The following EXOC3L1 variants were observed in gnomAD, a reference collection of about 807,000 sequenced individuals.
EXOC3L1 encodes exocyst complex component 3-like protein.
EXOC3L1 carries 79 observed loss-of-function variants against 83.6 expected under a neutral mutation model. That is an observed-to-expected ratio of 0.95 (90% CI 0.79 to 1.14). The LOEUF is 1.14. EXOC3L1 is among the 50% of genes most tolerant of loss of function. The pLI is 0.00. For synonymous variants in EXOC3L1, 433 were observed against 451.2 expected (o/e 0.96, Z 0.51); for missense variants, 945 against 972.0 (o/e 0.97, Z 0.37).
rs1312590150 is a variant in EXOC3L1, at chr16:67,184,562, C to T, written c.2073G>A (p.Leu691=). Residue 691 remains leucine (L), a synonymous_variant, in exon 14 of 14, where the codon TTG becomes TTA. Coordinates refer to ENST00000314586, the MANE Select transcript of EXOC3L1 (RefSeq NM_178516.4). ...VSALLGLRGD[L]SREQHLAALS... ...GCGCGGCCAGGTGCTGCTCCCGGGA[C>T]AAGTCCCCGCGCAGGCCCAAGAGGG... 6.5e-7 allele frequency: 1 copy of T among 1,542,652 alleles called. No homozygotes were observed. Among genetic ancestry groups the T allele is most frequent in the South Asian group, 1.2e-5 (1 of 84,788 alleles).
Position 67,187,065 on chromosome 16 carries a change from C to T in EXOC3L1, c.1114G>A (p.Glu372Lys). Residue 372 changes from glutamate to lysine, a missense_variant, in exon 6 of 14, where the codon GAG (glutamate) becomes AAG (lysine). Coordinates refer to ENST00000314586, the MANE Select transcript of EXOC3L1 (RefSeq NM_178516.4). ...GTTGCCTCCAGCTGCTCAATGTTCT[C>T]CAAGGTCAGAAGGGGCTCCAGCTGG... ...VSQLEPLLTL[E>K]NIEQLEATFV... 6.2e-7 allele frequency: 1 copy of T among 1,613,722 alleles called. No individual in the cohort carries two copies. Among genetic ancestry groups the T allele is most frequent in the African/African-American group, 1.3e-5 (1 of 75,032 alleles).
At chr16:67,189,304 T>G in intron 2 of EXOC3L1, 124 bp from the exon 3 acceptor site, 3 of 1,110,316 alleles carry the variant, frequency 2.7e-6, no homozygotes, top group Non-Finnish European at 3.7e-6. Flanking sequence ...TGAGATGGAG[T>G]CTCGCTCTGT....
At chr16:67,186,981 A>G in intron 6 of EXOC3L1, 40 bp downstream of exon 6, 7 of 1,613,024 alleles carry the variant, frequency 4.3e-6, no homozygotes, top group Non-Finnish European at 5.9e-6. Context: ...CCCACAGCAG[A>G]TAAGTAGGAC....
chr16:67,187,054 C>T lies in EXOC3L1; in HGVS notation c.1125G>A (p.Glu375=), dbSNP rs1280221309. 10 of 1,613,622 alleles carry T rather than the reference C, an allele frequency of 6.2e-6. No individual in the cohort carries two copies. The highest frequency in any genetic ancestry group is 4.5e-5 in the East Asian group (2 of 44,902). The change falls in exon 6 of 14, where the codon GAG becomes GAA. Residue 375 remains glutamate (E), a synonymous_variant. Transcript: ENST00000314586. The part of the protein sequence containing the change: ...LEPLLTLENI[E]QLEATFVANI... ...TGGCCACAAATGTTGCCTCCAGCTG[C>T]TCAATGTTCTCCAAGGTCAGAAGGG...
At chr16:67,188,999 C>T in intron 3 of EXOC3L1, 21 bp downstream of exon 3, 2 of 1,604,124 alleles carry the variant, frequency 1.2e-6, no homozygotes, top group African/African-American at 1.3e-5. Context: ...CCAGCACCCG[C>T]ACCCCCTGCC....
At position 67,185,481 on chromosome 16, in the gene EXOC3L1, C is replaced by G; in HGVS notation, c.1506G>C (p.Val502=). Residue 502 remains valine, a synonymous_variant, in exon 10 of 14, where the codon GTG becomes GTC. Coordinates refer to ENST00000314586, the MANE Select transcript of EXOC3L1 (RefSeq NM_178516.4). ...GCGCCCCGTCCAGCTGCAGGACAGA[C>G]ACTGAGGAGCTGGACCAAGCAAAAC... ...LNHKSALSSS[V]SVLQLDGAPS... The G allele has an allele frequency of 6.2e-7, 1 of 1,607,884 alleles. No homozygotes were observed. Among genetic ancestry groups the G allele is most frequent in the South Asian group, 1.1e-5 (1 of 91,082 alleles).
chr16:67,185,374 T>C lies in EXOC3L1; in HGVS notation c.1613A>G (p.Gln538Arg). The C allele has an allele frequency of 6.2e-7, 1 of 1,612,874 alleles. No homozygotes were observed. Residue 538 changes from glutamine (Q) to arginine (R), a missense_variant, in exon 10 of 14, where the codon CAG (glutamine) becomes CGG (arginine). Transcript: ENST00000314586. ...AGGAGGCCTCACCTGGAGCTCCGCC[T>C]GCAGCGCCTCCAACACCAAGCGGTA... ...RIYRLVLEAL[Q>R]AELQPLFADL...
At chr16:67,185,722 T>C (rs1319100816) in intron 9 of EXOC3L1, 2 of 579,762 alleles carry the variant, frequency 3.4e-6, no homozygotes, top group Non-Finnish European at 3.1e-6. Context: ...GGTGCGTCCT[T>C]GAGGAAAACA....
chr16:67,184,626 G>A (rs1354091698), intron 13 of EXOC3L1, 22 bp from the exon 14 acceptor site: 1 of 1,584,570 alleles, frequency 6.3e-7, no homozygotes, highest in Non-Finnish European at 8.5e-7. Context: ...CCAAGGAGGC[G>A]CGTCAGCCCC....
At chr16:67,186,693 C>T (rs1166817223) in intron 7 of EXOC3L1, 36 bp from the exon 8 acceptor site, 4 of 1,613,404 alleles carry the variant, frequency 2.5e-6, no homozygotes, top group East Asian at 2.2e-5. Context: ...GGCAAAGCCT[C>T]CCTCCTTCCT....
In EXOC3L1 at chr16:67,186,895, G is replaced by A. The variant is rs781124820; in HGVS notation, c.1159-11C>T. On this transcript the variant is annotated splice_polypyrimidine_tract_variant and intron_variant, in intron 6 of 13. Coordinates refer to ENST00000314586, the MANE Select transcript of EXOC3L1 (RefSeq NM_178516.4). ...CTGAGACACACTTGCCTGGGGGGAGGGGCCAGGGGCAAAGGAATGTAGCAG... is the reference window on the plus strand; with the variant it reads ...CTGAGACACACTTGCCTGGGGGGAGAGGCCAGGGGCAAAGGAATGTAGCAG... 1.9e-6 allele frequency: 3 copies of A among 1,613,434 alleles called. No individual in the cohort carries two copies. The highest frequency in any genetic ancestry group is 2.5e-6 in the Non-Finnish European group (3 of 1,179,992).
At chr16:67,185,612 G>T in intron 9 of EXOC3L1, 122 bp from the exon 10 acceptor site, 1 of 903,810 alleles carries the variant, frequency 1.1e-6, no homozygotes, top group Non-Finnish European at 1.7e-6. Context: ...GAGAACAGCG[G>T]CTCTCTGCAC....
rs768934538 is a variant in EXOC3L1 at position 67,187,226 on chromosome 16, C to T, written c.1039G>A (p.Gly347Arg). The T allele has an allele frequency of 6.2e-7, 1 of 1,610,058 alleles. No homozygotes were observed. Among genetic ancestry groups the T allele is most frequent in the Non-Finnish European group, 8.5e-7 (1 of 1,177,532 alleles). ...LLHWALHVYL[G>R]QEMMGSLELG... ...TCCCGCTGCCCCAAAGGCACTGACC[C>T]CAGGTACACATGCAGTGCCCAGTGC... Residue 347 changes from glycine (G) to arginine (R), a missense_variant and splice_region_variant, in exon 5 of 14, where the codon GGG becomes AGG. Transcript: ENST00000314586.
chr16:67,189,701 G>T lies in EXOC3L1; in HGVS notation c.-7-18C>A, dbSNP rs1247165398. The T allele has an allele frequency of 6.2e-7, 1 of 1,613,686 alleles. No homozygotes were observed. Among genetic ancestry groups the T allele is most frequent in the Admixed American group, 1.7e-5 (1 of 59,998 alleles). On this transcript the variant is annotated intron_variant, in intron 1 of 13. Transcript: ENST00000314586. ...TTGTGGGCCTGGAGGAGCCAGAGCTGAGGTGGGCCCGGGGCAAGCAGGCAG... is the reference window on the plus strand; with the variant it reads ...TTGTGGGCCTGGAGGAGCCAGAGCTTAGGTGGGCCCGGGGCAAGCAGGCAG...
At position 67,187,453 on chromosome 16, in the gene EXOC3L1, GC is replaced by G; in HGVS notation, c.811del (p.Ala271ProfsTer23). The G allele has an allele frequency of 6.2e-7, 1 of 1,608,970 alleles. No homozygotes were observed. ...CAGAGCCTCCAGCCACCCTGGTAGG[GC>G]CCCTGGTGCAGGCAGCAGAGGTGAC... ...FGSPLLPAPG[A>X]LPGWLEALRV... On this transcript the variant is annotated frameshift_variant, in exon 5 of 14. Transcript: ENST00000314586. LOFTEE classifies it high-confidence loss of function.
At position 67,186,811 on chromosome 16, in the gene EXOC3L1, T is replaced by C; in HGVS notation, c.1232A>G (p.Asn411Ser). The C allele has an allele frequency of 6.2e-7, 1 of 1,613,674 alleles. No homozygotes were observed. The highest frequency in any genetic ancestry group is 1.6e-4 in the Middle Eastern group (1 of 6,062). Residue 411 changes from asparagine to serine, a missense_variant, in exon 7 of 14, where the codon AAC becomes AGC. Physicochemically the swap from Asn to Ser is conservative, Grantham distance 46. Coordinates refer to ENST00000314586, the MANE Select transcript of EXOC3L1 (RefSeq NM_178516.4). ...VAEWGREHGP[N>S]TDPSGSYYSP... is the part of the protein sequence containing the mutation. ...GTAATAGGAGCCAGACGGGTCTGTG[T>C]TGGGCCCATGCTCCCGGCCCCACTC...
chr16:67,188,861 G>T lies in EXOC3L1; in HGVS notation c.287C>A (p.Thr96Asn). ...ACGGGCCTGGCTCAGGGCCTCCCGG[G>T]TTCCCTGCACCACCTCAATGGCCTG... is the stretch of plus-strand genomic sequence containing the variant. ...LAQAIEVVQG[T>N]REALSQARGL... The change falls in exon 4 of 14, where the codon ACC (threonine) becomes AAC (asparagine). Residue 96 changes from threonine (T) to asparagine (N), a missense_variant. Thr to Asn is a moderately conservative substitution (Grantham distance 65). Transcript: ENST00000314586. 3 of 1,613,252 alleles carry T rather than the reference G, an allele frequency of 1.9e-6. No homozygotes were observed. The highest frequency in any genetic ancestry group is 2.5e-6 in the Non-Finnish European group (3 of 1,180,012).
chr16:67,187,080 G>A lies in EXOC3L1; in HGVS notation c.1099C>T (p.Pro367Ser). ...TCAATGTTCTCCAAGGTCAGAAGGG[G>A]CTCCAGCTGGGACACATCAGCCTCA... is the stretch of plus-strand genomic sequence containing the variant. ...GPEADVSQLE[P>S]LLTLENIEQL... Residue 367 changes from proline to serine, a missense_variant, in exon 6 of 14, where the codon CCC (proline) becomes TCC (serine). Pro to Ser is a moderately conservative substitution (Grantham distance 74). Coordinates refer to ENST00000314586, the MANE Select transcript of EXOC3L1 (RefSeq NM_178516.4). The A allele has an allele frequency of 1.2e-6, 2 of 1,613,646 alleles. No individual in the cohort carries two copies. Among genetic ancestry groups the A allele is most frequent in the Non-Finnish European group, 8.5e-7 (1 of 1,180,008 alleles).
In EXOC3L1 at chr16:67,187,614, T is replaced by C; in HGVS notation, c.651A>G (p.Pro217=). ...GAAGKLARED[P]ALLVAAVRVA... ...CACGCACAGCAGCCACCAACAGGGC[T>C]GGGTCCTCCCGTGCCAGCTTCCCTG... Residue 217 remains proline (P), a synonymous_variant, in exon 5 of 14, where the codon CCA becomes CCG. Coordinates refer to ENST00000314586, the MANE Select transcript of EXOC3L1 (RefSeq NM_178516.4). 1 of 1,608,654 alleles carries C rather than the reference T, an allele frequency of 6.2e-7. No individual in the cohort carries two copies. The highest frequency in any genetic ancestry group is 1.1e-5 in the South Asian group (1 of 90,874).
Sources: allele counts gnomAD v4.1 joint callset, GRCh38; gene constraint gnomAD v4.1.1; transcripts MANE v1.5; gene names NCBI Gene and HGNC (gene_info 2026-07-23, HGNC 2026-07-21).